NCKAP5: variants seen among roughly 807,000 people sequenced by gnomAD.
The protein encoded by NCKAP5 is NCK associated protein 5.
Under a neutral mutation model 167.0 loss-of-function variants are expected in NCKAP5, and 92 were observed. The ratio of observed to expected loss-of-function variants is 0.55; its 90% confidence interval spans 0.47 to 0.66. The LOEUF (loss-of-function observed/expected upper bound fraction) is 0.66. NCKAP5 is among the 30% of genes least tolerant of loss of function. NCKAP5 has a pLI of 0.00. For missense variants in NCKAP5, 2,378 were observed against 2,315.0 expected, an observed-to-expected ratio of 1.03 and a Z score of -0.56; for synonymous variants, 891 against 877.4, an observed-to-expected ratio of 1.02 and a Z score of -0.27.
chr2:133,659,321 C>T, the NCKAP5 span, among the ~76,000 whole-genome samples: 2 of 152,132 alleles, frequency 1.3e-5, no homozygotes, highest in Non-Finnish European at 2.9e-5. Flanking sequence ...ACCTACCTCA[C>T]ACCATCTACA....
intron 3 of NCKAP5, among the ~76,000 whole-genome samples, chr2:133,474,367 G>C (rs1406312970): frequency 6.6e-6 from 1 of 152,122 alleles, no homozygotes; most frequent in Non-Finnish European, 1.5e-5. Flanking sequence ...CAGAAGCAGA[G>C]AGTAGAATGA....
At chr2:132,757,392 C>A (rs1408940990) in intron 16 of NCKAP5, among the ~76,000 whole-genome samples, 12 of 152,172 alleles carry the variant, frequency 7.9e-5, no homozygotes, top group African/African-American at 2.9e-4. Flanking sequence ...TTAAAAAGTA[C>A]CCAGATCAGC....
chr2:133,149,738 C>G (rs1217861903), intron 5 of NCKAP5, among the ~76,000 whole-genome samples: 2 of 152,106 alleles, frequency 1.3e-5, no homozygotes, highest in African/African-American at 4.8e-5. Context: ...TAGGTATTGC[C>G]ATTCAATTCA....
intron 4 of NCKAP5, among the ~76,000 whole-genome samples, chr2:133,219,482 G>A (rs948766400): frequency 1.3e-5 from 2 of 152,118 alleles, no homozygotes; most frequent in African/African-American, 4.8e-5. Flanking sequence ...ACAGTTCAGG[G>A]GCCTCCCATG....
intron 4 of NCKAP5, among the ~76,000 whole-genome samples, chr2:133,256,275 G>C (rs1285030346): frequency 6.6e-6 from 1 of 151,564 alleles, no homozygotes; most frequent in African/African-American, 2.4e-5. Context: ...CCCCTCTATT[G>C]AACTCGATAA....
chr2:133,618,561 C>T, the NCKAP5 span, among the ~76,000 whole-genome samples: 39 of 150,468 alleles, frequency 2.6e-4, no homozygotes, highest in East Asian at 6.1e-3. Flanking sequence ...AAAATGCTCA[C>T]CATCACTGGC....
intron 3 of NCKAP5, among the ~76,000 whole-genome samples, chr2:133,435,204 G>A (rs1044354162): frequency 7.2e-5 from 11 of 152,138 alleles, no homozygotes; most frequent in African/African-American, 2.7e-4. Context: ...ATCTTCTAAT[G>A]ACAGATTCAC....
the NCKAP5 span, among the ~76,000 whole-genome samples, chr2:133,588,353 C>CTT: frequency 7.8e-6 from 1 of 128,062 alleles, no homozygotes; most frequent in African/African-American, 2.9e-5. Context: ...TCCCTTCCTT[C>CTT]CTCCCTTCCC....
At chr2:132,736,203 A>G (rs1691489130) in intron 16 of NCKAP5, among the ~76,000 whole-genome samples, 1 of 152,220 alleles carries the variant, frequency 6.6e-6, no homozygotes, top group South Asian at 2.1e-4. Flanking sequence ...TCCCTGCAAG[A>G]AAATGTCTTC....
chr2:132,818,930 G>C (rs1236002580), intron 11 of NCKAP5, among the ~76,000 whole-genome samples: 5 of 152,240 alleles, frequency 3.3e-5, no homozygotes, highest in Non-Finnish European at 7.4e-5. Context: ...TCTTGCGCTT[G>C]CTATTTCATG....
At chr2:133,090,508 C>G (rs2081140335) in intron 6 of NCKAP5, among the ~76,000 whole-genome samples, 1 of 152,088 alleles carries the variant, frequency 6.6e-6, no homozygotes, top group Non-Finnish European at 1.5e-5. Flanking sequence ...CCACCAGAAG[C>G]TAAAAGAGGC....
intron 8 of NCKAP5, among the ~76,000 whole-genome samples, chr2:132,960,500 C>T (rs2076479952): frequency 6.6e-6 from 1 of 152,150 alleles, no homozygotes; most frequent in Admixed American, 6.5e-5. Flanking sequence ...GAATATTCTG[C>T]CATGACCCCA....
chr2:132,803,651 C>T (rs1685207256), intron 11 of NCKAP5, among the ~76,000 whole-genome samples: 1 of 152,120 alleles, frequency 6.6e-6, no homozygotes, highest in African/African-American at 2.4e-5. Context: ...TTAACAGTGC[C>T]CCAAGGCCCA....
intron 4 of NCKAP5, among the ~76,000 whole-genome samples, chr2:133,292,090 G>A (rs1278082989): frequency 2.0e-5 from 3 of 152,138 alleles, no homozygotes; most frequent in Non-Finnish European, 2.9e-5. Flanking sequence ...ATGGGATGGG[G>A]TTGGGGGACA....
rs1273988861 is a variant in NCKAP5 at position 132,782,809 on chromosome 2, A to C, written c.4002T>G (p.Ser1334Arg). Residue 1334 changes from serine to arginine, a missense_variant, in exon 14 of 20, where the codon AGT (serine) becomes AGG (arginine). Coordinates refer to ENST00000409261, the MANE Select transcript of NCKAP5 (RefSeq NM_207363.3). ...NKAPSAPMLESLPSVGRPSGH... is the reference protein window; with the variant it reads ...NKAPSAPMLERLPSVGRPSGH... ...CCGAGGGCCTCCCAACACTGGGGAG[A>C]CTCTCCAACATGGGAGCAGAAGGGG... The C allele has an allele frequency of 6.2e-7, 1 of 1,613,452 alleles. No homozygotes were observed. Among genetic ancestry groups the C allele is most frequent in the East Asian group, 2.2e-5 (1 of 44,828 alleles).
At chr2:132,833,103 T>G (rs567099101) in intron 11 of NCKAP5, among the ~76,000 whole-genome samples, 1 of 152,306 alleles carries the variant, frequency 6.6e-6, no homozygotes, top group East Asian at 1.9e-4. Context: ...AGTTTTAATT[T>G]GCACTTCTCT....
chr2:133,519,825 C>T (rs1037250850), intron 2 of NCKAP5, among the ~76,000 whole-genome samples: 3 of 152,060 alleles, frequency 2.0e-5, no homozygotes, highest in African/African-American at 7.2e-5. Context: ...ATATAGAAAA[C>T]AAGCAAACAA....
At chr2:132,976,192 A>G (rs1422512545) in intron 7 of NCKAP5, among the ~76,000 whole-genome samples, 3 of 152,222 alleles carry the variant, frequency 2.0e-5, no homozygotes, top group Non-Finnish European at 4.4e-5. Flanking sequence ...ACTCAGAATC[A>G]GAGAGTAGAC....
At chr2:133,168,280 ATTTTTT>A (rs35632445) in intron 5 of NCKAP5, among the ~76,000 whole-genome samples, 1 of 126,002 alleles carries the variant, frequency 7.9e-6, no homozygotes, top group Non-Finnish European at 1.7e-5. Context: ...AACTGATAAC[ATTTTTT>A]TTTTTTTTTT....
Sources: allele counts gnomAD v4.1 joint callset (sites outside exome capture counted in the v4.1 genomes callset), GRCh38; gene constraint gnomAD v4.1.1; transcripts MANE v1.5; gene names NCBI Gene and HGNC (gene_info 2026-07-23, HGNC 2026-07-21).